Variants in CACNA2D1 observed in about 807,000 individuals in gnomAD.
The protein encoded by CACNA2D1 is voltage-dependent calcium channel subunit alpha-2/delta-1.
CACNA2D1 carries 53 observed loss-of-function variants against 171.5 expected under a neutral mutation model. The observed-to-expected ratio is 0.31, with a 90% CI of 0.25 to 0.39. The LOEUF (loss-of-function observed/expected upper bound fraction) is 0.39. CACNA2D1 is among the 10% of genes least tolerant of loss of function. CACNA2D1 has a pLI of 1.00. For synonymous variants in CACNA2D1, 442 were observed against 443.1 expected, an observed-to-expected ratio of 1.00 and a Z score of 0.03; for missense variants, 903 against 1,299.8, an observed-to-expected ratio of 0.69 and a Z score of 4.69.
chr7:82,437,026 G>A (rs1403086339), intron 1 of CACNA2D1, among the ~76,000 whole-genome samples: 1 of 152,010 alleles, frequency 6.6e-6, no homozygotes, highest in Non-Finnish European at 1.5e-5. Flanking sequence ...AGGTTTATCT[G>A]TATATCAAAA....
intron 3 of CACNA2D1, among the ~76,000 whole-genome samples, chr7:82,272,034 T>C (rs1255399826): frequency 6.6e-6 from 1 of 152,024 alleles, no homozygotes; most frequent in Non-Finnish European, 1.5e-5. Context: ...GAAAAATAAA[T>C]TTACAGAAGT....
intron 1 of CACNA2D1, among the ~76,000 whole-genome samples, chr7:82,358,974 A>C (rs1820774610): frequency 6.6e-6 from 1 of 152,120 alleles, no homozygotes; most frequent in Non-Finnish European, 1.5e-5. Flanking sequence ...TGATAGTAAC[A>C]TAGTTCCATG....
chr7:82,271,543 C>G (rs1170236036), intron 3 of CACNA2D1, among the ~76,000 whole-genome samples: 2 of 152,000 alleles, frequency 1.3e-5, no homozygotes, highest in African/African-American at 4.8e-5. Context: ...GATTGTGGTT[C>G]TCAGACTATC....
chr7:82,398,752 AT>A (rs925665734), intron 1 of CACNA2D1, among the ~76,000 whole-genome samples: 16 of 151,556 alleles, frequency 1.1e-4, no homozygotes, highest in African/African-American at 3.4e-4. Flanking sequence ...ATTTTTTAAA[AT>A]TTTTTGTAGA....
intron 3 of CACNA2D1, among the ~76,000 whole-genome samples, chr7:82,273,779 T>C (rs563287979): frequency 1.3e-5 from 2 of 152,286 alleles, no homozygotes; most frequent in East Asian, 3.9e-4. Context: ...TGCAGATGTA[T>C]TTGCGCCTGC....
chr7:82,320,069 A>AT (rs3839792), intron 3 of CACNA2D1, among the ~76,000 whole-genome samples: 29,537 of 148,472 alleles, frequency 0.2, 3,067 homozygotes, highest in African/African-American at 0.27. Flanking sequence ...TCTGAGGCTG[A>AT]TTTTTTTTTT....
At chr7:82,291,864 A>G (rs893105552) in intron 3 of CACNA2D1, among the ~76,000 whole-genome samples, 5 of 151,738 alleles carry the variant, frequency 3.3e-5, no homozygotes, top group African/African-American at 1.2e-4. Flanking sequence ...ATTTTTAAAT[A>G]TAACACTCTA....
intron 18 of CACNA2D1, among the ~76,000 whole-genome samples, chr7:81,999,327 A>T (rs769830999): frequency 6.6e-6 from 1 of 152,210 alleles, no homozygotes; most frequent in Non-Finnish European, 1.5e-5. Context: ...TAATCTTTCA[A>T]TAAGAAAGCA....
At chr7:82,096,586 AGACACAATGATATT>A (rs976998619) in intron 6 of CACNA2D1, among the ~76,000 whole-genome samples, 2 of 150,414 alleles carry the variant, frequency 1.3e-5, no homozygotes, top group Non-Finnish European at 2.9e-5. Context: ...ATAAACCAGT[AGACACAATGATATT>A]GACAAATAGG....
At chr7:81,959,001 T>C (rs992871552) in intron 38 of CACNA2D1, among the ~76,000 whole-genome samples, 1 of 152,038 alleles carries the variant, frequency 6.6e-6, no homozygotes, top group Admixed American at 6.6e-5. Flanking sequence ...AAATATACCA[T>C]AATTAACATT....
chr7:82,070,937 A>C (rs1317881301), intron 7 of CACNA2D1, among the ~76,000 whole-genome samples: 5 of 152,184 alleles, frequency 3.3e-5, no homozygotes, highest in African/African-American at 7.2e-5. Flanking sequence ...GGATAAGCTA[A>C]ATTTAGAATC....
chr7:82,015,778 G>T (rs1584416407), intron 12 of CACNA2D1, among the ~76,000 whole-genome samples: 1 of 152,250 alleles, frequency 6.6e-6, no homozygotes, highest in East Asian at 1.9e-4. Flanking sequence ...TGTTGCACAT[G>T]ATTTCAGAGT....
Position 82,237,963 on chromosome 7 carries a change from G to A in CACNA2D1, c.295-67354C>T, listed in dbSNP as rs972887412. On this transcript the variant is annotated intron_variant, in intron 3 of 38. Coordinates refer to ENST00000356860, the MANE Select transcript of CACNA2D1 (RefSeq NM_000722.4). ...TTACTACTCATTACTGTTACTCATG[G>A]TTGCTTATAGTTACACAATATTTTT... Among the ~76,000 whole-genome samples, 6 of 151,440 alleles carry A rather than the reference G, an allele frequency of 4.0e-5. No individual in the cohort carries two copies. In the South Asian group the frequency reaches 6.2e-4, roughly 16 times the overall value.
At chr7:82,068,806 T>C (rs1562996003) in intron 7 of CACNA2D1, among the ~76,000 whole-genome samples, 1 of 152,172 alleles carries the variant, frequency 6.6e-6, no homozygotes, top group African/African-American at 2.4e-5. Flanking sequence ...TGTTTACCGA[T>C]CACATTCATC....
intron 3 of CACNA2D1, among the ~76,000 whole-genome samples, chr7:82,332,510 TAAAG>T (rs757450961): frequency 0.035 from 3,265 of 92,538 alleles, 48 homozygotes; most frequent in South Asian, 0.049. Context: ...AAAAGAAATA[TAAAG>T]AAAGAAAGAA....
chr7:82,180,909 G>C (rs771315712), intron 3 of CACNA2D1, among the ~76,000 whole-genome samples: 2 of 151,848 alleles, frequency 1.3e-5, no homozygotes, highest in Non-Finnish European at 2.9e-5. Context: ...CTTTCTTAAG[G>C]TGCTCAGGCT....
rs1224564857 is a variant in CACNA2D1, at chr7:82,005,551, T to A, written c.1516-54A>T. ...GATATGCCTGAGTCACAATTAGAAA[T>A]CTATATTCTTTTAAATACATAATGT... On this transcript the variant is annotated intron_variant, in intron 17 of 38. Coordinates refer to ENST00000356860, the MANE Select transcript of CACNA2D1 (RefSeq NM_000722.4). 1.3e-5 allele frequency: 15 copies of A among 1,156,812 alleles called. No individual in the cohort carries two copies. In the East Asian group the frequency reaches 3.8e-4, roughly 30 times the overall value. 71.7% of individuals were successfully genotyped at this position (1,156,812 alleles called of 1,614,324 possible).
At chr7:82,322,125 C>CAAAAAAA (rs71093373) in intron 3 of CACNA2D1, among the ~76,000 whole-genome samples, 7 of 43,640 alleles carry the variant, frequency 1.6e-4, no homozygotes, top group Admixed American at 4.4e-4. Flanking sequence ...GACTCCGTCT[C>CAAAAAAA]AAAAAAAAAA....
chr7:82,441,025 G>A (rs1830465273), intron 1 of CACNA2D1, among the ~76,000 whole-genome samples: 1 of 150,876 alleles, frequency 6.6e-6, no homozygotes, highest in Non-Finnish European at 1.5e-5. Context: ...ACATACAGAA[G>A]CATAATAATT....
Sources: gnomAD v4.1 joint callset for allele counts (sites outside exome capture counted in the v4.1 genomes callset) on GRCh38, gnomAD v4.1.1 for gene constraint, MANE v1.5 for transcripts, NCBI Gene and HGNC (gene_info 2026-07-23, HGNC 2026-07-21) for gene names.